CDK17: variants seen among roughly 807,000 people sequenced by gnomAD.
CDK17 encodes cyclin dependent kinase 17.
In CDK17, 24 loss-of-function variants were observed where a neutral mutation model predicts 77.6. The observed-to-expected ratio is 0.31, with a 90% confidence interval of 0.22 to 0.44. The LOEUF is 0.44. CDK17 is among the 20% of genes least tolerant of loss of function. The pLI, the probability that CDK17 is intolerant of heterozygous loss-of-function variation, is 1.00. For missense variants in CDK17, 429 were observed against 622.5 expected, an observed-to-expected ratio of 0.69 and a Z score of 3.31; for synonymous variants, 203 against 210.4, an observed-to-expected ratio of 0.96 and a Z score of 0.30.
At chr12:96,362,701 G>A (rs1223643818) in intron 1 of CDK17, among the ~76,000 whole-genome samples, 1 of 152,116 alleles carries the variant, frequency 6.6e-6, no homozygotes, top group Non-Finnish European at 1.5e-5. Flanking sequence ...GCAATTCTTA[G>A]CTCTAGAGAT....
intron 3 of CDK17, among the ~76,000 whole-genome samples, chr12:96,317,466 C>T (rs1263500998): frequency 1.2e-4 from 13 of 111,154 alleles, no homozygotes; most frequent in African/African-American, 3.4e-4. Context: ...AGATACTCCT[C>T]GAGAAGAGCA....
chr12:96,279,935 C>T lies in CDK17; in HGVS notation c.*307G>A, dbSNP rs1241028725. The stretch of plus-strand genomic sequence containing the variant: ...AGTAGTTATTTAGCAGCAATGATTC[C>T]GCAATAAATAATGCACTGTGTTTCT... On this transcript the variant is annotated 3_prime_UTR_variant, in exon 17 of 17. Transcript: ENST00000261211. 2.3e-5 allele frequency: 6 copies of T among 266,248 alleles called. No individual in the cohort carries two copies. Among genetic ancestry groups the T allele is most frequent in the Non-Finnish European group, 1.4e-5 (2 of 142,676 alleles). The allele number at this position is 266,248 out of a possible 1,614,324, so 16.5% of individuals were successfully genotyped here. A position where few individuals can be genotyped will look rare whatever the true frequency, so the allele number is the denominator to read the frequency against.
chr12:96,297,631 T>C lies in CDK17; in HGVS notation c.806A>G (p.Tyr269Cys). The stretch of plus-strand genomic sequence containing the variant: ...GAATTTTTATGAGATGCTTACCAGA[T>C]ACTCAAACACCAAAGTCAAGGATTT... ...TDKSLTLVFE[Y>C]LDKDLKQYMD... The change falls in exon 8 of 17, where the codon TAT becomes TGT. Residue 269 changes from tyrosine to cysteine, a missense_variant. Around this residue, in one of 4 missense-constraint regions of CDK17, gnomAD observed 262 missense variants for 385.4 expected, o/e 0.68. Transcript: ENST00000261211. 2 of 1,562,768 alleles carry C rather than the reference T, an allele frequency of 1.3e-6. No homozygotes were observed. Among genetic ancestry groups the C allele is most frequent in the African/African-American group, 1.4e-5 (1 of 73,490 alleles).
intron 1 of CDK17, among the ~76,000 whole-genome samples, chr12:96,389,739 G>A (rs1031819840): frequency 7.2e-5 from 11 of 151,848 alleles, no homozygotes; most frequent in Admixed American, 4.6e-4. Flanking sequence ...CAAACAAGAC[G>A]TTACCAAGCC....
intron 1 of CDK17, among the ~76,000 whole-genome samples, chr12:96,376,914 ATAC>A (rs1299012463): frequency 6.6e-6 from 1 of 152,216 alleles, no homozygotes. Flanking sequence ...AGTAGAAAAA[ATAC>A]TACAAAATAT....
intron 1 of CDK17, among the ~76,000 whole-genome samples, chr12:96,363,227 G>T (rs1288863605): frequency 2.0e-5 from 3 of 151,958 alleles, no homozygotes; most frequent in Admixed American, 2.0e-4. Context: ...GAGACGGGAG[G>T]GTCACCTGAG....
At chr12:96,323,275 A>AC (rs1555202186) in intron 3 of CDK17, among the ~76,000 whole-genome samples, 7 of 121,520 alleles carry the variant, frequency 5.8e-5, no homozygotes, top group African/African-American at 1.9e-4. Flanking sequence ...TTCTAAAAAA[A>AC]AAAAAAAAAC....
chr12:96,307,585 T>A (rs1024909575), intron 5 of CDK17, among the ~76,000 whole-genome samples: 26 of 152,090 alleles, frequency 1.7e-4, no homozygotes, highest in African/African-American at 6.3e-4. Flanking sequence ...AATAAAAATG[T>A]CTTGGCCAGG....
At chr12:96,292,429 A>C (rs1225249551) in intron 10 of CDK17, among the ~76,000 whole-genome samples, 1 of 152,084 alleles carries the variant, frequency 6.6e-6, no homozygotes, top group Non-Finnish European at 1.5e-5. Flanking sequence ...AACATGGTGA[A>C]ACCCCATCTC....
chr12:96,303,855 G>C (rs1200196512), intron 5 of CDK17, among the ~76,000 whole-genome samples: 1 of 152,130 alleles, frequency 6.6e-6, no homozygotes, highest in Non-Finnish European at 1.5e-5. Context: ...TGAAGCACCA[G>C]AGGTCCCCCT....
At chr12:96,309,895 G>A (rs1245848670) in intron 5 of CDK17, among the ~76,000 whole-genome samples, 4 of 152,238 alleles carry the variant, frequency 2.6e-5, no homozygotes, top group Middle Eastern at 3.4e-3. Context: ...AGTGATATAC[G>A]TATAAGTTGG....
chr12:96,372,357 C>T (rs956783303), intron 1 of CDK17, among the ~76,000 whole-genome samples: 1 of 152,094 alleles, frequency 6.6e-6, no homozygotes, highest in African/African-American at 2.4e-5. Context: ...ATAGAGTCTT[C>T]CTAGGGCCGA....
chr12:96,326,427 C>A (rs1234575270), intron 2 of CDK17, among the ~76,000 whole-genome samples: 3 of 152,176 alleles, frequency 2.0e-5, no homozygotes, highest in Non-Finnish European at 4.4e-5. Flanking sequence ...GAGGAAAGTT[C>A]TCTCTGCTGA....
intron 1 of CDK17, among the ~76,000 whole-genome samples, chr12:96,350,522 A>T (rs1448748486): frequency 6.6e-6 from 1 of 152,172 alleles, no homozygotes; most frequent in Non-Finnish European, 1.5e-5. Context: ...TATTGACATA[A>T]GAATAGATAT....
At chr12:96,297,222 C>A (rs1312371013) in intron 9 of CDK17, 48 bp downstream of exon 9, 2 of 1,202,252 alleles carry the variant, frequency 1.7e-6, no homozygotes, top group Non-Finnish European at 2.4e-6. Flanking sequence ...TAATGGTTCA[C>A]CTATGCTTTA....
chr12:96,315,853 G>C (rs1952707286), intron 3 of CDK17, among the ~76,000 whole-genome samples: 1 of 152,110 alleles, frequency 6.6e-6, no homozygotes, highest in African/African-American at 2.4e-5. Context: ...CTGGGTTTCT[G>C]AGTTACAAGT....
In CDK17 at chr12:96,298,203, C is replaced by T. The variant is rs369503716; in HGVS notation, c.716-482G>A. Among the ~76,000 whole-genome samples the T allele has an allele frequency of 1.5e-4, 23 of 151,824 alleles. No individual in the cohort carries two copies. In the South Asian group the frequency reaches 4.0e-3, roughly 26 times the overall value. On this transcript the variant is annotated intron_variant, in intron 7 of 16. Coordinates refer to ENST00000261211, the MANE Select transcript of CDK17 (RefSeq NM_002595.5). ...TCGGGAGGCTAAGGCAGGAGAATGG[C>T]GTGAACCCAGGAGGCGGAGCTTGCA... is the stretch of plus-strand genomic sequence containing the variant.
At chr12:96,370,411 T>C (rs1241139497) in intron 1 of CDK17, among the ~76,000 whole-genome samples, 1 of 152,202 alleles carries the variant, frequency 6.6e-6, no homozygotes, top group Admixed American at 6.5e-5. Context: ...AGAAGTTACC[T>C]GCGAGTAACT....
intron 11 of CDK17, among the ~76,000 whole-genome samples, chr12:96,288,255 G>T (rs927035762): frequency 6.6e-6 from 1 of 152,016 alleles, no homozygotes; most frequent in African/African-American, 2.4e-5. Context: ...AACTGTTCAA[G>T]ACAGCAACAG....
Sources: allele counts gnomAD v4.1 joint callset (sites outside exome capture counted in the v4.1 genomes callset), GRCh38; gene constraint gnomAD v4.1.1; regional missense constraint gnomAD v4.1.1; transcripts MANE v1.5; gene names NCBI Gene and HGNC (gene_info 2026-07-23, HGNC 2026-07-21).